The following VKORC1L1 variants were observed in gnomAD, a reference collection of about 807,000 sequenced individuals.
VKORC1L1 encodes vitamin K epoxide reductase complex subunit 1L1.
A neutral mutation model predicts 18.9 loss-of-function variants in VKORC1L1; 2 were observed. That is an observed-to-expected ratio of 0.11 (90% CI 0.04 to 0.33). VKORC1L1 has a LOEUF of 0.33. VKORC1L1 is among the 10% of genes least tolerant of loss of function. The pLI is 1.00. For missense variants in VKORC1L1, 123 were observed against 224.1 expected (o/e 0.55, Z 2.88); for synonymous variants, 96 against 100.0 (o/e 0.96, Z 0.24).
At chr7:65,945,683 G>C (rs1233175099) in intron 1 of VKORC1L1, among the ~76,000 whole-genome samples, 2 of 151,994 alleles carry the variant, frequency 1.3e-5, no homozygotes, top group African/African-American at 4.8e-5. Context: ...GACTTGGGGA[G>C]GGCTGGAGGA....
intron 1 of VKORC1L1, among the ~76,000 whole-genome samples, chr7:65,880,779 G>A (rs1269713894): frequency 6.6e-6 from 1 of 152,174 alleles, no homozygotes; most frequent in Non-Finnish European, 1.5e-5. Flanking sequence ...ACTGGGTTGG[G>A]AAAGAACCAG....
chr7:65,918,571 G>C (rs1290324271), intron 1 of VKORC1L1, among the ~76,000 whole-genome samples: 1 of 152,106 alleles, frequency 6.6e-6, no homozygotes, highest in Non-Finnish European at 1.5e-5. Flanking sequence ...TTTCCACAAA[G>C]GGCACTTTTC....
chr7:65,956,054 TTCA>T lies in VKORC1L1; in HGVS notation c.*1758_*1760del, dbSNP rs1284888576. The stretch of plus-strand genomic sequence containing the variant: ...CTTAAAAGAGAGCTTAAGTCAAGAT[TTCA>T]TCAAGACTTGTGTTTTCCCATGAAT... On this transcript the variant is annotated 3_prime_UTR_variant, in exon 3 of 3. Coordinates refer to ENST00000360768, the MANE Select transcript of VKORC1L1 (RefSeq NM_173517.6). The T allele has an allele frequency of 6.6e-6, 1 of 152,250 alleles. No homozygotes were observed. The highest frequency in any genetic ancestry group is 1.9e-4 in the East Asian group (1 of 5,206). The allele number at this position is 152,250 out of a possible 1,614,324, so 9.4% of individuals were successfully genotyped here. A position where few individuals can be genotyped will look rare whatever the true frequency, so the allele number is the denominator to read the frequency against.
intron 1 of VKORC1L1, among the ~76,000 whole-genome samples, chr7:65,880,581 G>T (rs183850292): frequency 6.6e-6 from 1 of 152,108 alleles, no homozygotes; most frequent in Non-Finnish European, 1.5e-5. Flanking sequence ...AGGCCTTGTC[G>T]TGTGGACCTG....
chr7:65,872,148 T>C (rs1244767692), upstream of VKORC1L1, among the ~76,000 whole-genome samples: 3 of 152,336 alleles, frequency 2.0e-5, no homozygotes, highest in East Asian at 5.8e-4. Flanking sequence ...AATAACTATG[T>C]AAGCCCCTAT....
chr7:65,914,104 G>T (rs1367224876), intron 1 of VKORC1L1, among the ~76,000 whole-genome samples: 1 of 152,060 alleles, frequency 6.6e-6, no homozygotes, highest in Non-Finnish European at 1.5e-5. Context: ...TAAATCTTCA[G>T]TGCCTTTATT....
intron 1 of VKORC1L1, among the ~76,000 whole-genome samples, chr7:65,940,954 A>T (rs552438510): frequency 1.6e-4 from 25 of 152,306 alleles, no homozygotes; most frequent in African/African-American, 5.3e-4. Flanking sequence ...GTAAAATAGA[A>T]TGAGAGTGGG....
At chr7:65,893,803 A>G (rs1262465000) in intron 1 of VKORC1L1, among the ~76,000 whole-genome samples, 1 of 152,202 alleles carries the variant, frequency 6.6e-6, no homozygotes, top group Non-Finnish European at 1.5e-5. Context: ...GTCTAGTTTT[A>G]TGTCTTGATA....
chr7:65,869,753 T>C (rs1788703404), upstream of VKORC1L1, among the ~76,000 whole-genome samples: 1 of 148,288 alleles, frequency 6.7e-6, no homozygotes, highest in African/African-American at 2.5e-5. Context: ...TGGGCTCAAG[T>C]AATCCTTCTG....
rs150374757 is a variant in VKORC1L1 at position 65,955,448 on chromosome 7, G to A, written c.*1148G>A. ...GACATGCTGCCCAGTTTGCTTCATC[G>A]GGAGAATAGCAACAGGTAGACACAT... On this transcript the variant is annotated 3_prime_UTR_variant, in exon 3 of 3. Transcript: ENST00000360768. 2 of 152,230 alleles carry A rather than the reference G, an allele frequency of 1.3e-5. No homozygotes were observed. Among genetic ancestry groups the A allele is most frequent in the East Asian group, 1.9e-4 (1 of 5,184 alleles). 9.4% of individuals were successfully genotyped at this position (152,230 alleles called of 1,614,324 possible). A position where few individuals can be genotyped will look rare whatever the true frequency, so the allele number is the denominator to read the frequency against.
chr7:65,908,265 T>G (rs143366347), intron 1 of VKORC1L1, among the ~76,000 whole-genome samples: 1 of 151,946 alleles, frequency 6.6e-6, no homozygotes, highest in African/African-American at 2.4e-5. Flanking sequence ...AATAGAAAAA[T>G]TAGCCGAGCA....
chr7:65,937,191 A>AG (rs1288961846), intron 1 of VKORC1L1, among the ~76,000 whole-genome samples: 1 of 152,134 alleles, frequency 6.6e-6, no homozygotes, highest in Non-Finnish European at 1.5e-5. Flanking sequence ...TGCAAAGAAG[A>AG]GGGGAAAAGA....
chr7:65,925,037 A>C (rs1259780107), intron 1 of VKORC1L1, among the ~76,000 whole-genome samples: 1 of 151,780 alleles, frequency 6.6e-6, no homozygotes, highest in Non-Finnish European at 1.5e-5. Context: ...CCTTTCCCTC[A>C]TATTCTCCCT....
intron 1 of VKORC1L1, among the ~76,000 whole-genome samples, chr7:65,888,348 A>G (rs554048915): frequency 1.0e-3 from 153 of 152,308 alleles, no homozygotes; most frequent in Non-Finnish European, 1.8e-3. Context: ...AAAGACTGGA[A>G]TGAACCCAGC....
intron 1 of VKORC1L1, among the ~76,000 whole-genome samples, chr7:65,938,457 T>C (rs1789982897): frequency 6.6e-6 from 1 of 152,136 alleles, no homozygotes; most frequent in Admixed American, 6.5e-5. Flanking sequence ...TATGAAAATT[T>C]CCTAATATTG....
chr7:65,900,981 A>T (rs200039958), intron 1 of VKORC1L1, among the ~76,000 whole-genome samples: 3 of 151,750 alleles, frequency 2.0e-5, no homozygotes, highest in Admixed American at 6.6e-5. Flanking sequence ...GAAATTTCAC[A>T]GGTGAGATCC....
Position 65,873,581 on chromosome 7 carries a change from G to C in VKORC1L1, c.194+16G>C. On this transcript the variant is annotated intron_variant, in intron 1 of 2. Transcript: ENST00000360768. ...TTGCCTCCAGGTAGCCGGCTTGGGG[G>C]AGTGGGCCAGGAGCGGCCGAGCGGG... 3.9e-6 allele frequency: 6 copies of C among 1,524,520 alleles called. No homozygotes were observed. The highest frequency in any genetic ancestry group is 5.3e-6 in the Non-Finnish European group (6 of 1,138,850). 94.4% of individuals were successfully genotyped at this position (1,524,520 alleles called of 1,614,324 possible). A position where few individuals can be genotyped will look rare whatever the true frequency, so the allele number is the denominator to read the frequency against.
intron 1 of VKORC1L1, among the ~76,000 whole-genome samples, chr7:65,908,877 A>G (rs940176207): frequency 1.3e-5 from 2 of 151,888 alleles, no homozygotes; most frequent in African/African-American, 2.4e-5. Context: ...GTAGACTGAT[A>G]TGTTTGCAAG....
chr7:65,870,711 A>T (rs1788715986), upstream of VKORC1L1, among the ~76,000 whole-genome samples: 1 of 152,232 alleles, frequency 6.6e-6, no homozygotes, highest in African/African-American at 2.4e-5. Flanking sequence ...AAAGGAATCT[A>T]TAAGAAGGGA....
Sources: allele counts gnomAD v4.1 joint callset (sites outside exome capture counted in the v4.1 genomes callset), GRCh38; gene constraint gnomAD v4.1.1; transcripts MANE v1.5; gene names NCBI Gene and HGNC (gene_info 2026-07-23, HGNC 2026-07-21).